DPP10: variants seen among roughly 807,000 people sequenced by gnomAD.
The protein encoded by DPP10 is inactive dipeptidyl peptidase 10.
DPP10 carries 33 observed loss-of-function variants against 120.9 expected under a neutral mutation model. That is an observed-to-expected ratio of 0.27 (90% CI 0.21 to 0.37). The LOEUF (loss-of-function observed/expected upper bound fraction) is 0.37. Among genes scored for constraint, DPP10 ranks in the 10% least tolerant of loss-of-function variants. The pLI is 1.00. For missense variants in DPP10, 816 were observed against 942.8 expected, an observed-to-expected ratio of 0.87 and a Z score of 1.76; for synonymous variants, 337 against 326.1, an observed-to-expected ratio of 1.03 and a Z score of -0.36.
At chr2:115,751,290 A>G (rs1678675351) in intron 10 of DPP10, among the ~76,000 whole-genome samples, 1 of 152,186 alleles carries the variant, frequency 6.6e-6, no homozygotes, top group African/African-American at 2.4e-5. Flanking sequence ...ACATTGCTAA[A>G]TATAATGGTG....
chr2:115,436,978 G>C (rs2071556274), intron 3 of DPP10, among the ~76,000 whole-genome samples: 1 of 151,778 alleles, frequency 6.6e-6, no homozygotes, highest in Admixed American at 6.6e-5. Context: ...CAAAGTATAA[G>C]ATACAATATT....
intron 1 of DPP10, among the ~76,000 whole-genome samples, chr2:114,479,420 A>AAC (rs1553447859): frequency 1.8e-4 from 28 of 151,970 alleles, no homozygotes; most frequent in Admixed American, 1.0e-3. Context: ...TGAAAAAAAA[A>AAC]CAGAACTATT....
At chr2:115,313,967 A>G (rs2061683828) in intron 2 of DPP10, among the ~76,000 whole-genome samples, 1 of 152,210 alleles carries the variant, frequency 6.6e-6, no homozygotes, top group South Asian at 2.1e-4. Flanking sequence ...AAGATCAATA[A>G]TTATACTCTA....
chr2:115,026,331 T>C (rs1346240639), intron 1 of DPP10, among the ~76,000 whole-genome samples: 1 of 152,130 alleles, frequency 6.6e-6, no homozygotes, highest in Admixed American at 6.5e-5. Context: ...TGGGTATAAA[T>C]GTATGGATTT....
chr2:115,522,949 C>T (rs1334127085), intron 4 of DPP10, among the ~76,000 whole-genome samples: 2 of 151,942 alleles, frequency 1.3e-5, no homozygotes, highest in South Asian at 4.2e-4. Flanking sequence ...GAAAGAATAC[C>T]CCAAATGCAA....
chr2:114,957,299 A>C (rs1445125577), intron 1 of DPP10, among the ~76,000 whole-genome samples: 1 of 151,946 alleles, frequency 6.6e-6, no homozygotes, highest in African/African-American at 2.4e-5. Context: ...GAGAAGACAT[A>C]TATATTTTGT....
intron 5 of DPP10, among the ~76,000 whole-genome samples, chr2:115,553,856 C>T (rs1290171913): frequency 6.6e-6 from 1 of 150,854 alleles, no homozygotes; most frequent in African/African-American, 2.4e-5. Flanking sequence ...TTAGATAATT[C>T]TTATTATACT....
At chr2:115,640,479 A>C (rs74921330) in intron 5 of DPP10, among the ~76,000 whole-genome samples, 4 of 151,642 alleles carry the variant, frequency 2.6e-5, no homozygotes, top group African/African-American at 7.3e-5. Flanking sequence ...AAAAAAAAAA[A>C]CGACATCTTG....
intron 1 of DPP10, among the ~76,000 whole-genome samples, chr2:114,493,134 T>C (rs1682150821): frequency 6.6e-6 from 1 of 152,220 alleles, no homozygotes; most frequent in Non-Finnish European, 1.5e-5. Flanking sequence ...TGCATTCCTA[T>C]ACATTCAAAT....
At chr2:115,246,906 AGT>A (rs2058561445) in intron 1 of DPP10, among the ~76,000 whole-genome samples, 1 of 152,152 alleles carries the variant, frequency 6.6e-6, no homozygotes, top group African/African-American at 2.4e-5. Flanking sequence ...GGTTCTGCTC[AGT>A]GAGTGAGGGT....
At position 115,664,227 on chromosome 2, in the gene DPP10, C is replaced by G. The variant is rs911915738; in HGVS notation, c.442-25460C>G. Among the ~76,000 whole-genome samples, 5 of 151,606 alleles carry G rather than the reference C, an allele frequency of 3.3e-5. No individual in the cohort carries two copies. The East Asian group carries it at 9.7e-4, about 29-fold the overall frequency. ...TACTGAAAAACATTTTCAATTTGCC[C>G]AAATTGTATACTAATGAATATAATA... On this transcript the variant is annotated intron_variant, in intron 5 of 25. Coordinates refer to ENST00000410059, the MANE Select transcript of DPP10 (RefSeq NM_020868.6).
At chr2:115,666,273 G>T (rs190168443) in intron 5 of DPP10, among the ~76,000 whole-genome samples, 2 of 152,272 alleles carry the variant, frequency 1.3e-5, no homozygotes, top group African/African-American at 4.8e-5. Flanking sequence ...ATGCATGGCT[G>T]GAGAGTTCTC....
intron 7 of DPP10, among the ~76,000 whole-genome samples, chr2:115,713,924 C>T (rs553123125): frequency 2.6e-5 from 4 of 152,276 alleles, no homozygotes; most frequent in Non-Finnish European, 5.9e-5. Flanking sequence ...GTGACACCTG[C>T]CCCAGAAGTC....
intron 1 of DPP10, among the ~76,000 whole-genome samples, chr2:114,921,084 T>C (rs1695162114): frequency 6.6e-6 from 1 of 152,168 alleles, no homozygotes; most frequent in South Asian, 2.1e-4. Context: ...TAAATAAAGT[T>C]CTTCACCCAC....
chr2:115,157,213 G>A (rs1037921539), intron 1 of DPP10, among the ~76,000 whole-genome samples: 1 of 146,746 alleles, frequency 6.8e-6, no homozygotes, highest in Non-Finnish European at 1.5e-5. Context: ...GGGCGGTGGG[G>A]TGAAAGGAAG....
At chr2:115,132,434 C>T (rs2050408990) in intron 1 of DPP10, among the ~76,000 whole-genome samples, 1 of 152,118 alleles carries the variant, frequency 6.6e-6, no homozygotes, top group South Asian at 2.1e-4. Context: ...GACAGCTTTG[C>T]TGTCATTTCA....
At chr2:114,624,781 T>C (rs1287381791) in intron 1 of DPP10, among the ~76,000 whole-genome samples, 1 of 151,866 alleles carries the variant, frequency 6.6e-6, no homozygotes, top group Admixed American at 6.6e-5. Flanking sequence ...TGAAAGAAAA[T>C]ATGAAGCATA....
At chr2:114,670,829 A>T (rs1220658300) in intron 1 of DPP10, among the ~76,000 whole-genome samples, 1 of 152,198 alleles carries the variant, frequency 6.6e-6, no homozygotes, top group Non-Finnish European at 1.5e-5. Context: ...GTTGTAAGCC[A>T]TCCATCATCT....
chr2:114,633,544 G>A (rs995291250), intron 1 of DPP10, among the ~76,000 whole-genome samples: 3 of 151,532 alleles, frequency 2.0e-5, no homozygotes, highest in East Asian at 1.9e-4. Context: ...ATGAGCCACC[G>A]CACCTGGCCA....
Sources: allele counts gnomAD v4.1 joint callset (sites outside exome capture counted in the v4.1 genomes callset), GRCh38; gene constraint gnomAD v4.1.1; transcripts MANE v1.5; gene names NCBI Gene and HGNC (gene_info 2026-07-23, HGNC 2026-07-21).